The following WWOX variants were observed in gnomAD, a reference collection of about 807,000 sequenced individuals.
The protein encoded by WWOX is WW domain-containing oxidoreductase.
WWOX carries 69 observed loss-of-function variants against 46.2 expected under a neutral mutation model. That is an observed-to-expected ratio of 1.49 (90% confidence interval 1.23 to 1.82). WWOX has a LOEUF of 1.82. Ranked by LOEUF, WWOX falls within the 40% of genes most tolerant of loss-of-function variation. The pLI, the probability that WWOX is intolerant of heterozygous loss-of-function variation, is 0.00. For synonymous variants in WWOX, 359 were observed against 202.6 expected (o/e 1.77, Z -6.56); for missense variants, 919 against 542.6 (o/e 1.69, Z -6.89).
At chr16:78,144,488 C>T (rs12933128) in intron 4 of WWOX, among the ~76,000 whole-genome samples, 120 of 6,674 alleles carry the variant, frequency 0.018, no homozygotes, top group Middle Eastern at 0.17. Flanking sequence ...TATATATATA[C>T]ACACACACAC....
intron 8 of WWOX, among the ~76,000 whole-genome samples, chr16:78,903,239 T>C (rs528831725): frequency 6.6e-6 from 1 of 152,200 alleles, no homozygotes; most frequent in Middle Eastern, 3.2e-3. Context: ...CAATCAGTCT[T>C]ATTGGTTGCA....
At chr16:78,668,346 G>C (rs187558158) in intron 8 of WWOX, among the ~76,000 whole-genome samples, 39 of 152,238 alleles carry the variant, frequency 2.6e-4, no homozygotes, top group African/African-American at 9.1e-4. Flanking sequence ...TCTCCTGTTC[G>C]ACTTGACTCC....
At chr16:78,489,497 C>T (rs556983029) in intron 8 of WWOX, among the ~76,000 whole-genome samples, 5 of 152,006 alleles carry the variant, frequency 3.3e-5, no homozygotes, top group Admixed American at 2.6e-4. Flanking sequence ...TAACCACTTT[C>T]CCAGTGAGAC....
chr16:78,989,475 C>T (rs1384796441), intron 8 of WWOX, among the ~76,000 whole-genome samples: 1 of 152,172 alleles, frequency 6.6e-6, no homozygotes. Flanking sequence ...GCTGGGGATC[C>T]CTGTCCATAG....
chr16:78,117,913 T>C (rs890546222), intron 4 of WWOX, among the ~76,000 whole-genome samples: 1 of 152,148 alleles, frequency 6.6e-6, no homozygotes, highest in Admixed American at 6.6e-5. Flanking sequence ...CGGGGTGGGC[T>C]GAAACATAAC....
intron 5 of WWOX, among the ~76,000 whole-genome samples, chr16:78,211,573 G>C (rs2036561001): frequency 6.6e-6 from 1 of 152,162 alleles, no homozygotes; most frequent in South Asian, 2.1e-4. Flanking sequence ...TGCTGCTGCT[G>C]CTGCATTGTC....
chr16:78,854,057 T>C (rs1226207951), intron 8 of WWOX, among the ~76,000 whole-genome samples: 7 of 152,190 alleles, frequency 4.6e-5, no homozygotes, highest in Non-Finnish European at 1.5e-5. Context: ...TACTATCATT[T>C]TGCTATATTT....
At chr16:78,634,856 G>T (rs1363359021) in intron 8 of WWOX, among the ~76,000 whole-genome samples, 1 of 151,716 alleles carries the variant, frequency 6.6e-6, no homozygotes, top group African/African-American at 2.4e-5. Context: ...GTGTGTGTGT[G>T]TGTGTGTGTG....
chr16:78,747,957 A>G (rs745743239), intron 8 of WWOX, among the ~76,000 whole-genome samples: 2 of 152,130 alleles, frequency 1.3e-5, no homozygotes, highest in African/African-American at 2.4e-5. Context: ...CGAAATAACC[A>G]TGCTTCTTAG....
intron 5 of WWOX, among the ~76,000 whole-genome samples, chr16:78,213,393 C>G (rs1019003323): frequency 7.3e-5 from 11 of 151,668 alleles, no homozygotes; most frequent in African/African-American, 2.7e-4. Context: ...AGAAATCTTG[C>G]TTCTCCCCAC....
At chr16:78,801,312 C>A (rs1261995184) in intron 8 of WWOX, among the ~76,000 whole-genome samples, 1 of 152,108 alleles carries the variant, frequency 6.6e-6, no homozygotes, top group Non-Finnish European at 1.5e-5. Context: ...GAGTTTGAGA[C>A]CACCCTGGCC....
chr16:78,173,223 C>G (rs533787901), intron 5 of WWOX, among the ~76,000 whole-genome samples: 2 of 152,304 alleles, frequency 1.3e-5, no homozygotes, highest in East Asian at 3.9e-4. Flanking sequence ...TCATACAGAT[C>G]TGGGGTTAAA....
intron 8 of WWOX, among the ~76,000 whole-genome samples, chr16:79,136,287 G>A (rs1325092228): frequency 1.3e-5 from 2 of 151,348 alleles, no homozygotes; most frequent in Admixed American, 6.6e-5. Context: ...CTGGAGTGCA[G>A]TGGTGCAATC....
intron 8 of WWOX, chr16:78,898,338 G>C (rs2044749018): frequency 6.6e-6 from 1 of 152,112 alleles, no homozygotes; most frequent in African/African-American, 2.4e-5. Flanking sequence ...GGTAATGGTA[G>C]AGGTTTATTT....
chr16:78,469,537 A>G (rs972467556), intron 8 of WWOX, among the ~76,000 whole-genome samples: 2 of 152,174 alleles, frequency 1.3e-5, no homozygotes, highest in African/African-American at 2.4e-5. Context: ...CATTCCCTGG[A>G]AGCATGTCAT....
chr16:79,145,642 A>T (rs2050170840), intron 8 of WWOX, among the ~76,000 whole-genome samples: 1 of 152,210 alleles, frequency 6.6e-6, no homozygotes, highest in South Asian at 2.1e-4. Context: ...AAAAGTCTTA[A>T]GTAATGGGAT....
chr16:78,552,608 T>TAA (rs1322869380), intron 8 of WWOX: 2 of 152,216 alleles, frequency 1.3e-5, no homozygotes, highest in Non-Finnish European at 2.9e-5. Flanking sequence ...CGAGAGCTCA[T>TAA]ACGGCATCCA....
At chr16:78,156,411 A>G (rs2034600865) in intron 4 of WWOX, among the ~76,000 whole-genome samples, 1 of 152,192 alleles carries the variant, frequency 6.6e-6, no homozygotes. Context: ...GGATTTTAAT[A>G]TTTATTCATT....
intron 3 of WWOX, among the ~76,000 whole-genome samples, chr16:78,113,599 G>C (rs1357795924): frequency 6.6e-6 from 1 of 152,138 alleles, no homozygotes; most frequent in Non-Finnish European, 1.5e-5. Context: ...TGTTGCAGTG[G>C]GGTGCTGGTA....
Sources: allele counts gnomAD v4.1 joint callset (sites outside exome capture counted in the v4.1 genomes callset), GRCh38; gene constraint gnomAD v4.1.1; transcripts MANE v1.5; gene names NCBI Gene and HGNC (gene_info 2026-07-23, HGNC 2026-07-21).